KLF12: variants seen among roughly 807,000 people sequenced by gnomAD.
The protein encoded by KLF12 is Krueppel-like factor 12.
In KLF12, 9 loss-of-function variants were observed where a neutral mutation model predicts 37.8. The ratio of observed to expected loss-of-function variants is 0.24; its 90% confidence interval spans 0.14 to 0.42. KLF12 has a LOEUF of 0.42. Ranked by LOEUF, KLF12 falls within the 10% of genes least tolerant of loss-of-function variation. The pLI is 1.00. For synonymous variants in KLF12, 208 were observed against 202.1 expected, an observed-to-expected ratio of 1.03 and a Z score of -0.25; for missense variants, 411 against 516.0, an observed-to-expected ratio of 0.80 and a Z score of 1.97.
the KLF12 span, among the ~76,000 whole-genome samples, chr13:74,178,062 T>C: frequency 6.6e-6 from 1 of 152,212 alleles, no homozygotes; most frequent in Admixed American, 6.5e-5. Context: ...TGGTATAGCA[T>C]TCTACGGTGT....
chr13:73,868,579 T>C (rs527285469), intron 3 of KLF12, among the ~76,000 whole-genome samples: 24 of 151,834 alleles, frequency 1.6e-4, no homozygotes, highest in South Asian at 1.0e-3. Context: ...TTAGTAGAGA[T>C]GGGGTTTCAC....
intron 1 of KLF12, among the ~76,000 whole-genome samples, chr13:74,008,274 T>A (rs1326600119): frequency 6.6e-6 from 1 of 152,190 alleles, no homozygotes; most frequent in Admixed American, 6.5e-5. Context: ...AGTATATGCA[T>A]GAGTCACTCC....
At chr13:73,937,898 T>C (rs1890020970) in intron 3 of KLF12, among the ~76,000 whole-genome samples, 2 of 152,160 alleles carry the variant, frequency 1.3e-5, no homozygotes, top group South Asian at 4.1e-4. Flanking sequence ...GAGCAGATAT[T>C]TCTTTCCGCT....
At chr13:73,881,903 C>T (rs531099592) in intron 3 of KLF12, among the ~76,000 whole-genome samples, 2 of 152,180 alleles carry the variant, frequency 1.3e-5, no homozygotes, top group Non-Finnish European at 2.9e-5. Flanking sequence ...CTCTATATAA[C>T]GTTAACAAAA....
the KLF12 span, among the ~76,000 whole-genome samples, chr13:74,162,390 CT>C: frequency 6.6e-6 from 1 of 152,196 alleles, no homozygotes; most frequent in African/African-American, 2.4e-5. Flanking sequence ...TTATCTCAAC[CT>C]TTAACTCAGT....
upstream of KLF12, among the ~76,000 whole-genome samples, chr13:74,134,187 G>C (rs1037470665): frequency 9.1e-6 from 1 of 110,442 alleles, no homozygotes; most frequent in South Asian, 3.2e-4. Context: ...GGTGCTGTGA[G>C]GGGGGGGGCC....
chr13:74,102,659 C>T lies in KLF12; in HGVS notation c.-32+31080G>A, dbSNP rs368311047. Among the ~76,000 whole-genome samples, 30 of 152,034 alleles carry T rather than the reference C, an allele frequency of 2.0e-4. No individual in the cohort carries two copies. In the South Asian group the frequency reaches 4.4e-3, roughly 22 times the overall value. On this transcript the variant is annotated intron_variant, in intron 1 of 7. Coordinates refer to ENST00000377669, the MANE Select transcript of KLF12 (RefSeq NM_007249.5). ...GTTGCAGTGAGCTGAGATCGCACCACTGCACTCCAGCCTGGGCAACATAGT... is the reference window on the plus strand; with the variant it reads ...GTTGCAGTGAGCTGAGATCGCACCATTGCACTCCAGCCTGGGCAACATAGT...
chr13:73,941,090 G>C (rs1184529732), intron 3 of KLF12, among the ~76,000 whole-genome samples: 1 of 152,214 alleles, frequency 6.6e-6, no homozygotes, highest in Non-Finnish European at 1.5e-5. Flanking sequence ...ATTGAGATTA[G>C]TATCTATTTC....
At chr13:74,212,667 A>C in the KLF12 span, among the ~76,000 whole-genome samples, 12 of 152,116 alleles carry the variant, frequency 7.9e-5, no homozygotes, top group African/African-American at 2.2e-4. Flanking sequence ...ACAACCGCAA[A>C]CTTACACTCA....
At chr13:73,907,307 C>A (rs1359800512) in intron 3 of KLF12, among the ~76,000 whole-genome samples, 1 of 152,136 alleles carries the variant, frequency 6.6e-6, no homozygotes, top group Admixed American at 6.5e-5. Context: ...CCCCTTCTTC[C>A]CTCACTGAGC....
chr13:73,891,095 C>T (rs970589806), intron 3 of KLF12, among the ~76,000 whole-genome samples: 16 of 151,872 alleles, frequency 1.1e-4, no homozygotes, highest in African/African-American at 3.9e-4. Context: ...AGACTAAAGA[C>T]ACAAAGGATA....
At chr13:73,948,074 C>A (rs1336836922) in intron 2 of KLF12, among the ~76,000 whole-genome samples, 1 of 152,128 alleles carries the variant, frequency 6.6e-6, no homozygotes, top group Non-Finnish European at 1.5e-5. Context: ...AATACACATC[C>A]ACTTTAAATC....
At chr13:74,062,665 T>C (rs1048821074) in intron 1 of KLF12, among the ~76,000 whole-genome samples, 17 of 152,228 alleles carry the variant, frequency 1.1e-4, no homozygotes, top group African/African-American at 4.1e-4. Flanking sequence ...TTGTCTTCAA[T>C]ATGCTGATAA....
intron 1 of KLF12, among the ~76,000 whole-genome samples, chr13:74,056,809 G>A (rs1873269890): frequency 6.6e-6 from 1 of 152,216 alleles, no homozygotes; most frequent in African/African-American, 2.4e-5. Context: ...AGCCATGTCT[G>A]CCTTTTTTGG....
intron 1 of KLF12, among the ~76,000 whole-genome samples, chr13:74,055,659 A>G (rs1393888238): frequency 6.6e-6 from 1 of 152,146 alleles, no homozygotes; most frequent in African/African-American, 2.4e-5. Context: ...GGCTCTTACC[A>G]CGGACAGTCA....
At chr13:73,946,974 A>G (rs1257022014) in intron 2 of KLF12, among the ~76,000 whole-genome samples, 2 of 152,244 alleles carry the variant, frequency 1.3e-5, no homozygotes, top group African/African-American at 4.8e-5. Flanking sequence ...CACTGAACTA[A>G]GATCAGATAC....
the KLF12 span, among the ~76,000 whole-genome samples, chr13:74,188,214 A>G: frequency 6.6e-6 from 1 of 152,194 alleles, no homozygotes; most frequent in Non-Finnish European, 1.5e-5. Flanking sequence ...GAATTAGTGT[A>G]TTCTATCCAT....
rs553732050 is a variant in KLF12, at chr13:73,995,129, A to G, written c.-31-76T>C. 2.5e-5 allele frequency: 22 copies of G among 882,466 alleles called. No homozygotes were observed. The East Asian group carries it at 4.9e-4, about 20-fold the overall frequency. The allele number at this position is 882,466 out of a possible 1,614,324, so 54.7% of individuals were successfully genotyped here. ...TGTTATTGCTCCTTTGGGGAAAAAA[A>G]TACATCTTAATTCTACAGTTCCTTA... On this transcript the variant is annotated intron_variant, in intron 1 of 7. Coordinates refer to ENST00000377669, the MANE Select transcript of KLF12 (RefSeq NM_007249.5).
intron 3 of KLF12, among the ~76,000 whole-genome samples, chr13:73,926,926 G>A (rs1322071861): frequency 3.2e-5 from 4 of 123,092 alleles, no homozygotes; most frequent in East Asian, 2.6e-4. Flanking sequence ...ACTCAACTCC[G>A]TGTCTCCTTT....
Sources: allele counts gnomAD v4.1 joint callset (sites outside exome capture counted in the v4.1 genomes callset), GRCh38; gene constraint gnomAD v4.1.1; transcripts MANE v1.5; gene names NCBI Gene and HGNC (gene_info 2026-07-23, HGNC 2026-07-21).